SP140L: variants seen among roughly 807,000 people sequenced by gnomAD.
The protein encoded by SP140L is SP140 like nuclear body protein.
A neutral mutation model predicts 84.3 loss-of-function variants in SP140L; 64 were observed. The ratio of observed to expected loss-of-function variants is 0.76; its 90% CI spans 0.62 to 0.94. The LOEUF is 0.94. Ranked by LOEUF, SP140L falls within the 40% of genes least tolerant of loss-of-function variation. The probability of loss-of-function intolerance (pLI) is 0.00; values close to 1 mark genes in which losing one functional copy is unlikely to be tolerated. For missense variants in SP140L, 628 were observed against 692.5 expected, an observed-to-expected ratio of 0.91 and a Z score of 1.05; for synonymous variants, 242 against 236.9, an observed-to-expected ratio of 1.02 and a Z score of -0.20.
chr2:230,379,186 CT>C (rs1235191754), intron 7 of SP140L, among the ~76,000 whole-genome samples: 1 of 152,016 alleles, frequency 6.6e-6, no homozygotes, highest in Admixed American at 6.6e-5. Context: ...ATAATCTTAG[CT>C]TTTTAATGAA....
At chr2:230,395,696 G>A (rs900203482) in intron 13 of SP140L, among the ~76,000 whole-genome samples, 1 of 152,238 alleles carries the variant, frequency 6.6e-6, no homozygotes. Flanking sequence ...TCACCTCTCA[G>A]GTGCTTGTGC....
intron 7 of SP140L, among the ~76,000 whole-genome samples, chr2:230,380,881 A>C (rs2061381930): frequency 6.6e-6 from 1 of 152,124 alleles, no homozygotes; most frequent in Admixed American, 6.5e-5. Flanking sequence ...CTCCTGATGA[A>C]CGTCACCTCA....
chr2:230,358,147 G>A (rs1455525589), intron 3 of SP140L, among the ~76,000 whole-genome samples, 180 bp downstream of exon 3: 1 of 152,176 alleles, frequency 6.6e-6, no homozygotes, highest in Non-Finnish European at 1.5e-5. Context: ...AATGGTACTG[G>A]AGAAACTGGA....
At chr2:230,360,586 G>A (rs189099009) in intron 4 of SP140L, among the ~76,000 whole-genome samples, 1 of 152,340 alleles carries the variant, frequency 6.6e-6, no homozygotes, top group African/African-American at 2.4e-5. Flanking sequence ...CGGGGATGAA[G>A]GGAATAGTGT....
At position 230,392,234 on chromosome 2, in the gene SP140L, T is replaced by C; in HGVS notation, c.1107+5T>C. On this transcript the variant is annotated splice_donor_5th_base_variant and intron_variant, in intron 12 of 18. Transcript: ENST00000415673. ...CCCCTACGACGGCTGATGGAGGTAT[T>C]CCAATGACAAGAGGCCAGACCTGTG... 1.2e-6 allele frequency: 2 copies of C among 1,613,694 alleles called. No individual in the cohort carries two copies. The highest frequency in any genetic ancestry group is 1.7e-4 in the Middle Eastern group (1 of 5,892).
At chr2:230,365,906 G>A (rs186340397) in intron 5 of SP140L, among the ~76,000 whole-genome samples, 16 of 152,068 alleles carry the variant, frequency 1.1e-4, no homozygotes, top group African/African-American at 3.9e-4. Context: ...TCAAGAGTGT[G>A]TTTAATTTCC....
At chr2:230,335,826 G>A (rs986223958) in intron 2 of SP140L, among the ~76,000 whole-genome samples, 2 of 152,042 alleles carry the variant, frequency 1.3e-5, no homozygotes, top group African/African-American at 4.8e-5. Context: ...ATAAAATGAT[G>A]GTATCAACAA....
intron 11 of SP140L, among the ~76,000 whole-genome samples, chr2:230,390,487 C>A (rs1300551161): frequency 1.3e-5 from 2 of 152,228 alleles, no homozygotes; most frequent in African/African-American, 4.8e-5. Flanking sequence ...GAGAAGGGGA[C>A]CTTTCTGAAT....
chr2:230,400,121 T>C lies in SP140L; in HGVS notation c.1198-6T>C. ...CCAGTGACGTGGACACTGTTTTACC[T>C]TCTAGATGAGAAACTTGGATGAGTG... On this transcript the variant is annotated splice_polypyrimidine_tract_variant and splice_region_variant and intron_variant, in intron 14 of 18. Coordinates refer to ENST00000415673, the MANE Select transcript of SP140L (RefSeq NM_138402.6). 1 of 1,613,990 alleles carries C rather than the reference T, an allele frequency of 6.2e-7. No homozygotes were observed. Among genetic ancestry groups the C allele is most frequent in the Non-Finnish European group, 8.5e-7 (1 of 1,179,952 alleles).
At chr2:230,341,527 G>A (rs1258195246) in intron 2 of SP140L, among the ~76,000 whole-genome samples, 2 of 151,254 alleles carry the variant, frequency 1.3e-5, no homozygotes, top group Non-Finnish European at 2.9e-5. Context: ...TTGTTCTGTT[G>A]CTGGTGAGGA....
At chr2:230,364,932 G>C (rs143283307) in intron 5 of SP140L, among the ~76,000 whole-genome samples, 5 of 152,080 alleles carry the variant, frequency 3.3e-5, no homozygotes, top group Admixed American at 6.5e-5. Flanking sequence ...TTAATGCAAC[G>C]TATGACCTTT....
chr2:230,394,590 A>C (rs541090328), intron 13 of SP140L, among the ~76,000 whole-genome samples: 1 of 152,242 alleles, frequency 6.6e-6, no homozygotes, highest in African/African-American at 2.4e-5. Context: ...CCCAGGTGCC[A>C]AGAGTAACTC....
intron 5 of SP140L, among the ~76,000 whole-genome samples, chr2:230,363,637 C>T (rs191885024): frequency 6.6e-6 from 1 of 152,022 alleles, no homozygotes; most frequent in African/African-American, 2.4e-5. Context: ...CTTCACTCTG[C>T]TGATTGTTTC....
At chr2:230,378,160 G>C (rs934602466) in intron 7 of SP140L, among the ~76,000 whole-genome samples, 2 of 151,972 alleles carry the variant, frequency 1.3e-5, no homozygotes, top group Non-Finnish European at 2.9e-5. Flanking sequence ...CTTTTTTTCT[G>C]TTCCATTTAT....
intron 2 of SP140L, 60 bp downstream of exon 2, chr2:230,328,891 C>A: frequency 6.4e-7 from 1 of 1,558,274 alleles, no homozygotes; most frequent in South Asian, 1.2e-5. Flanking sequence ...GAAAGCTGAA[C>A]AGCTTTTCAT....
intron 2 of SP140L, 34 bp from the exon 3 acceptor site, chr2:230,357,768 TTGA>T: frequency 6.3e-7 from 1 of 1,584,006 alleles, no homozygotes; most frequent in Non-Finnish European, 8.6e-7. Context: ...TCTCAGAATC[TTGA>T]TGACCATTTT....
intron 7 of SP140L, among the ~76,000 whole-genome samples, chr2:230,374,329 A>AG (rs2061178066): frequency 6.6e-6 from 1 of 151,868 alleles, no homozygotes; most frequent in East Asian, 1.9e-4. Flanking sequence ...AAAAAAAAAA[A>AG]AGATGTGGAG....
At chr2:230,362,895 A>T (rs1036820575) in intron 5 of SP140L, among the ~76,000 whole-genome samples, 11 of 152,288 alleles carry the variant, frequency 7.2e-5, no homozygotes, top group Middle Eastern at 6.8e-3. Context: ...CAGAAAAAAA[A>T]AAAAGAATAA....
chr2:230,399,423 C>T (rs955542304), intron 14 of SP140L, among the ~76,000 whole-genome samples: 2 of 152,216 alleles, frequency 1.3e-5, no homozygotes, highest in Non-Finnish European at 2.9e-5. Context: ...CCATCTTCAA[C>T]ACTGTATGGT....
Sources: gnomAD v4.1 joint callset for allele counts (sites outside exome capture counted in the v4.1 genomes callset) on GRCh38, gnomAD v4.1.1 for gene constraint, MANE v1.5 for transcripts, NCBI Gene and HGNC (gene_info 2026-07-23, HGNC 2026-07-21) for gene names.